TRIM44: variants seen among roughly 807,000 people sequenced by gnomAD.
The protein encoded by TRIM44 is tripartite motif-containing protein 44.
In TRIM44, 13 loss-of-function variants were observed where a neutral mutation model predicts 37.4. The ratio of observed to expected loss-of-function variants is 0.35; its 90% CI spans 0.23 to 0.55. TRIM44 has a LOEUF of 0.55. Among genes scored for constraint, TRIM44 ranks in the 20% least tolerant of loss-of-function variants. The pLI is 0.89. For synonymous variants in TRIM44, 175 were observed against 157.2 expected (o/e 1.11, Z -0.85); for missense variants, 426 against 437.2 (o/e 0.97, Z 0.23).
At chr11:35,703,480 A>AC (rs2135502378) in intron 2 of TRIM44, among the ~76,000 whole-genome samples, 1 of 152,118 alleles carries the variant, frequency 6.6e-6, no homozygotes, top group South Asian at 2.1e-4. Context: ...CTGACCCCTG[A>AC]CCCCCGAGCA....
intron 4 of TRIM44, among the ~76,000 whole-genome samples, chr11:35,739,092 T>C (rs1852360653): frequency 6.6e-6 from 1 of 152,236 alleles, no homozygotes. Context: ...CCAAATGTTG[T>C]GCTTTTAGTC....
intron 4 of TRIM44, among the ~76,000 whole-genome samples, chr11:35,766,114 G>A (rs1852796146): frequency 6.6e-6 from 1 of 152,086 alleles, no homozygotes; most frequent in African/African-American, 2.4e-5. Context: ...TTCCAGAACA[G>A]CCTCCTCTTT....
At chr11:35,737,621 A>C (rs1187915003) in intron 4 of TRIM44, among the ~76,000 whole-genome samples, 1 of 152,210 alleles carries the variant, frequency 6.6e-6, no homozygotes, top group Non-Finnish European at 1.5e-5. Context: ...GGATCACCTG[A>C]GGTCAGGAAT....
Position 35,669,968 on chromosome 11 carries a change from T to C in TRIM44, c.669+6188T>C, listed in dbSNP as rs564847336. On this transcript the variant is annotated intron_variant, in intron 1 of 4. Coordinates refer to ENST00000299413, the MANE Select transcript of TRIM44 (RefSeq NM_017583.6). The stretch of plus-strand genomic sequence containing the variant: ...TCCCAAGTAGTAGGGACTACAGGCA[T>C]GTGCCACCACACCCGCCTGATTTTT... 3.3e-5 allele frequency among the ~76,000 whole-genome samples: 5 copies of C among 152,050 alleles called. No homozygotes were observed. In the East Asian group the frequency reaches 9.7e-4, roughly 30 times the overall value.
intron 1 of TRIM44, among the ~76,000 whole-genome samples, chr11:35,665,570 G>A (rs1307170774): frequency 7.4e-6 from 1 of 134,830 alleles, no homozygotes; most frequent in Non-Finnish European, 1.6e-5. Context: ...CTCATTATAT[G>A]AGTTTTTATA....
At chr11:35,769,735 T>C (rs1417737499) in intron 4 of TRIM44, among the ~76,000 whole-genome samples, 2 of 152,158 alleles carry the variant, frequency 1.3e-5, no homozygotes, top group Non-Finnish European at 2.9e-5. Flanking sequence ...GTAACTCTTA[T>C]TACTAGGGCT....
chr11:35,815,981 A>G lies in TRIM44; in HGVS notation c.*9596A>G, dbSNP rs1471166622. 2 of 152,200 alleles carry G rather than the reference A, an allele frequency of 1.3e-5. No individual in the cohort carries two copies. The highest frequency in any genetic ancestry group is 2.9e-5 in the Non-Finnish European group (2 of 68,036). The allele number at this position is 152,200 out of a possible 1,614,324, so 9.4% of individuals were successfully genotyped here. On this transcript the variant is annotated 3_prime_UTR_variant, in exon 5 of 5. Coordinates refer to ENST00000299413, the MANE Select transcript of TRIM44 (RefSeq NM_017583.6). ...ATGAGGACATGCAAAACTGCTGTCT[A>G]TCTTCAGACCTGGCCCATTGTCAAA... is the stretch of plus-strand genomic sequence containing the variant.
chr11:35,804,442 C>CTGTATACAAT (rs2133885239), intron 4 of TRIM44, among the ~76,000 whole-genome samples: 1 of 152,306 alleles, frequency 6.6e-6, no homozygotes, highest in South Asian at 2.1e-4. Context: ...AGATAAAATT[C>CTGTATACAAT]TGTATACAAT....
intron 4 of TRIM44, among the ~76,000 whole-genome samples, chr11:35,752,149 T>C (rs2135530209): frequency 6.7e-6 from 1 of 149,840 alleles, no homozygotes; most frequent in Admixed American, 6.7e-5. Flanking sequence ...TCCCAATATC[T>C]TTCTTTTTTT....
intron 4 of TRIM44, among the ~76,000 whole-genome samples, chr11:35,802,846 G>A (rs1257226039): frequency 5.9e-5 from 9 of 152,156 alleles, no homozygotes; most frequent in Admixed American, 3.3e-4. Flanking sequence ...CTCCAAGTGA[G>A]CAAAGCAGGA....
At chr11:35,777,081 A>T (rs1191492272) in intron 4 of TRIM44, among the ~76,000 whole-genome samples, 12 of 152,074 alleles carry the variant, frequency 7.9e-5, no homozygotes, top group East Asian at 1.9e-4. Context: ...TATTATTGTG[A>T]GGGAGTCTAA....
At chr11:35,665,775 T>A (rs1346723068) in intron 1 of TRIM44, among the ~76,000 whole-genome samples, 1 of 151,770 alleles carries the variant, frequency 6.6e-6, no homozygotes, top group African/African-American at 2.4e-5. Flanking sequence ...TTGTATTTTT[T>A]TTTTAGTAGA....
chr11:35,740,635 GA>G (rs1197257925), intron 4 of TRIM44, among the ~76,000 whole-genome samples: 1 of 152,174 alleles, frequency 6.6e-6, no homozygotes, highest in African/African-American at 2.4e-5. Flanking sequence ...AGTAGGAGCT[GA>G]AGGAGAGTCA....
chr11:35,782,200 A>G (rs1565023965), intron 4 of TRIM44, among the ~76,000 whole-genome samples: 1 of 152,180 alleles, frequency 6.6e-6, no homozygotes, highest in East Asian at 1.9e-4. Flanking sequence ...GGTGGGGGGA[A>G]TCCTAATCCA....
At chr11:35,762,492 G>A (rs913903511) in intron 4 of TRIM44, among the ~76,000 whole-genome samples, 3 of 152,098 alleles carry the variant, frequency 2.0e-5, no homozygotes, top group Non-Finnish European at 4.4e-5. Context: ...AGGTACAGTC[G>A]GTCAGGGAAT....
intron 2 of TRIM44, among the ~76,000 whole-genome samples, chr11:35,717,605 A>G (rs116015265): frequency 0.013 from 1,943 of 152,208 alleles, 43 homozygotes; most frequent in African/African-American, 0.044. Context: ...CTCTTTCTCT[A>G]TTGTAATTCC....
intron 2 of TRIM44, among the ~76,000 whole-genome samples, chr11:35,707,357 C>T (rs1184763847): frequency 6.6e-6 from 1 of 152,098 alleles, no homozygotes; most frequent in South Asian, 2.1e-4. Flanking sequence ...TTTATAGATT[C>T]AATGCCATCC....
intron 2 of TRIM44, among the ~76,000 whole-genome samples, chr11:35,714,706 T>G (rs1461538971): frequency 3.9e-5 from 6 of 152,232 alleles, no homozygotes; most frequent in Admixed American, 6.5e-5. Flanking sequence ...AAGTCTAACT[T>G]ATTTTAAGTC....
intron 4 of TRIM44, among the ~76,000 whole-genome samples, chr11:35,745,411 A>G (rs1852475179): frequency 6.6e-6 from 1 of 152,090 alleles, no homozygotes; most frequent in Admixed American, 6.6e-5. Flanking sequence ...GACTCTAGAT[A>G]TTAGGCCTTT....
Sources: allele counts gnomAD v4.1 joint callset (sites outside exome capture counted in the v4.1 genomes callset), GRCh38; gene constraint gnomAD v4.1.1; transcripts MANE v1.5; gene names NCBI Gene and HGNC (gene_info 2026-07-23, HGNC 2026-07-21).